The following NAA35 variants were observed in gnomAD, a reference collection of about 807,000 sequenced individuals.
NAA35 encodes the protein N-alpha-acetyltransferase 35, NatC auxiliary subunit.
In NAA35, 18 loss-of-function variants were observed where a neutral mutation model predicts 101.7. The observed-to-expected ratio is 0.18, with a 90% CI of 0.12 to 0.26. NAA35 has a LOEUF of 0.26. Ranked by LOEUF, NAA35 falls within the 10% of genes least tolerant of loss-of-function variation. The pLI, the probability that NAA35 is intolerant of heterozygous loss-of-function variation, is 1.00. For missense variants in NAA35, 601 were observed against 886.8 expected, an observed-to-expected ratio of 0.68 and a Z score of 4.09; for synonymous variants, 267 against 273.1, an observed-to-expected ratio of 0.98 and a Z score of 0.22.
At chr9:85,956,797 T>G (rs1251974890) in intron 3 of NAA35, among the ~76,000 whole-genome samples, 2 of 152,224 alleles carry the variant, frequency 1.3e-5, no homozygotes, top group Non-Finnish European at 2.9e-5. Flanking sequence ...TACCTGAGAC[T>G]GGGTAGTTTA....
In NAA35 at chr9:85,976,696, T is replaced by C. The variant is rs2118048600; in HGVS notation, c.639T>C (p.Ser213=). The C allele has an allele frequency of 6.3e-7, 1 of 1,589,640 alleles. No homozygotes were observed. The highest frequency in any genetic ancestry group is 2.3e-5 in the East Asian group (1 of 43,932). Residue 213 remains serine (S), a synonymous_variant, in exon 9 of 23, where the codon AGT becomes AGC. Coordinates refer to ENST00000361671, the MANE Select transcript of NAA35 (RefSeq NM_024635.4). Reference sequence around the variant, plus strand: ...TTTTAAAATTTTAGAGTACTCGAAGTCGACAAGGAGAAGAAAGAGATCCAG... The same window carrying C: ...TTTTAAAATTTTAGAGTACTCGAAGCCGACAAGGAGAAGAAAGAGATCCAG... ...DMQRRVKSTR[S]RQGEERDPEV...
At chr9:85,967,846 A>T (rs967700344) in intron 6 of NAA35, among the ~76,000 whole-genome samples, 14 of 151,686 alleles carry the variant, frequency 9.2e-5, no homozygotes, top group African/African-American at 3.4e-4. Flanking sequence ...TTTAAATTGG[A>T]TATTTCTGGA....
chr9:85,955,125 C>T (rs1012457138), intron 2 of NAA35, among the ~76,000 whole-genome samples: 9 of 151,010 alleles, frequency 6.0e-5, no homozygotes, highest in Non-Finnish European at 8.8e-5. Context: ...CTGTGTTGGC[C>T]GTGCTGGTCT....
At chr9:85,941,976 G>T in intron 1 of NAA35, 179 bp from the exon 2 acceptor site, 4 of 1,240,966 alleles carry the variant, frequency 3.2e-6, no homozygotes, top group Non-Finnish European at 3.1e-6. Flanking sequence ...AGTGTTAATT[G>T]ACGTGCGATT....
intron 6 of NAA35, among the ~76,000 whole-genome samples, chr9:85,965,677 A>T (rs909837889): frequency 5.9e-5 from 9 of 152,140 alleles, no homozygotes; most frequent in African/African-American, 1.7e-4. Context: ...TTAAAAAAAA[A>T]TTGGAAAAAA....
At chr9:85,951,607 G>A (rs1829022091) in intron 2 of NAA35, among the ~76,000 whole-genome samples, 1 of 152,116 alleles carries the variant, frequency 6.6e-6, no homozygotes, top group South Asian at 2.1e-4. Flanking sequence ...CTGCCATTTG[G>A]AAAATATTGT....
At chr9:85,981,433 C>T (rs1830434509) in intron 11 of NAA35, among the ~76,000 whole-genome samples, 1 of 152,058 alleles carries the variant, frequency 6.6e-6, no homozygotes, top group Non-Finnish European at 1.5e-5. Flanking sequence ...TTCTTTTTGC[C>T]ATGTCTGACT....
chr9:85,976,968 T>TA (rs1351731410), intron 9 of NAA35, among the ~76,000 whole-genome samples: 17 of 152,062 alleles, frequency 1.1e-4, no homozygotes, highest in Admixed American at 1.1e-3. Flanking sequence ...GGAAGAAAAA[T>TA]ACGATCTTTC....
At chr9:85,992,158 A>G (rs1351761427) in intron 11 of NAA35, among the ~76,000 whole-genome samples, 2 of 143,696 alleles carry the variant, frequency 1.4e-5, no homozygotes. Context: ...TGGGCAACAG[A>G]GCAAGACTCC....
intron 19 of NAA35, among the ~76,000 whole-genome samples, chr9:86,017,861 G>A (rs950494883): frequency 9.2e-5 from 14 of 152,198 alleles, no homozygotes; most frequent in Non-Finnish European, 1.6e-4. Context: ...AGTAAGAAAA[G>A]GAAGAGAGTA....
intron 4 of NAA35, 146 bp downstream of exon 4, chr9:85,958,732 C>T: frequency 2.2e-6 from 1 of 457,104 alleles, no homozygotes. Flanking sequence ...TAGTTATAAC[C>T]TTTGTATGTT....
rs73476911 is a variant in NAA35, at chr9:85,998,464, T to C, written c.1056+1887T>C. Among the ~76,000 whole-genome samples, 1,032 of 152,322 alleles carry C rather than the reference T, an allele frequency of 6.8e-3. 12 individuals are homozygous for C. The highest frequency in any genetic ancestry group is 0.024 in the African/African-American group (998 of 41,566). On this transcript the variant is annotated intron_variant, in intron 12 of 22. Transcript: ENST00000361671. ...AACAATACTAAGATGAATATATTTA[T>C]AGGTAACTCTTTTTATTGTATGCTT... is the stretch of plus-strand genomic sequence containing the variant.
At chr9:85,946,594 A>G (rs1368558489) in intron 2 of NAA35, among the ~76,000 whole-genome samples, 1 of 151,914 alleles carries the variant, frequency 6.6e-6, no homozygotes, top group African/African-American at 2.4e-5. Context: ...CCATTGCCCA[A>G]GGGCTGCATG....
chr9:85,982,532 T>C (rs1467208517), intron 11 of NAA35, among the ~76,000 whole-genome samples: 1 of 152,212 alleles, frequency 6.6e-6, no homozygotes, highest in Admixed American at 6.6e-5. Context: ...CTCATAGTTA[T>C]CTGTGAATTG....
chr9:86,023,976 G>C lies in NAA35; in HGVS notation c.*2016G>C, dbSNP rs1328509477. On this transcript the variant is annotated 3_prime_UTR_variant, in exon 23 of 23. Transcript: ENST00000361671. ...TGGGATTATAGGCAAATGCCTGCTTGGCTAGTTTTTGTTTTTAAACAGCAG... is the reference window on the plus strand; with the variant it reads ...TGGGATTATAGGCAAATGCCTGCTTCGCTAGTTTTTGTTTTTAAACAGCAG... Among the ~76,000 whole-genome samples, 1 of 152,130 alleles carries C rather than the reference G, an allele frequency of 6.6e-6. No homozygotes were observed. Among genetic ancestry groups the C allele is most frequent in the Non-Finnish European group, 1.5e-5 (1 of 68,020 alleles).
chr9:85,971,628 A>T (rs1830003700), intron 6 of NAA35, among the ~76,000 whole-genome samples: 1 of 152,176 alleles, frequency 6.6e-6, no homozygotes, highest in Non-Finnish European at 1.5e-5. Context: ...TGGATGATCA[A>T]AGAAATTACA....
Position 85,989,662 on chromosome 9 carries a change from C to G in NAA35, c.878-6737C>G, listed in dbSNP as rs10118579. 4.0e-3 allele frequency among the ~76,000 whole-genome samples: 604 copies of G among 152,230 alleles called. 5 individuals carry two copies. The highest frequency in any genetic ancestry group is 0.014 in the African/African-American group (571 of 41,524). ...GACTGAAATCAGGAATGAAATTCAGCCTACTGAGACATAAATGGAAAAGCT... is the reference window on the plus strand; with the variant it reads ...GACTGAAATCAGGAATGAAATTCAGGCTACTGAGACATAAATGGAAAAGCT... On this transcript the variant is annotated intron_variant, in intron 11 of 22. Transcript: ENST00000361671.
rs368528612 is a variant in NAA35, at chr9:85,973,186, G to A, written c.517-1781G>A. Among the ~76,000 whole-genome samples, 258 of 152,326 alleles carry A rather than the reference G, an allele frequency of 1.7e-3. 7 individuals are homozygous for A. In the South Asian group the frequency reaches 0.052, roughly 31 times the overall value. On this transcript the variant is annotated intron_variant, in intron 6 of 22. Transcript: ENST00000361671. ...CAAGAAAGACCTGTCAGACTGCAGT[G>A]CAGTGAATGTGAAGTGGTAGGAAAT...
At chr9:85,980,388 T>G (rs945072227) in intron 11 of NAA35, among the ~76,000 whole-genome samples, 1 of 152,210 alleles carries the variant, frequency 6.6e-6, no homozygotes, top group African/African-American at 2.4e-5. Flanking sequence ...CTTGTACTCA[T>G]GCCTGTCTTT....
Sources: gnomAD v4.1 joint callset for allele counts (sites outside exome capture counted in the v4.1 genomes callset) on GRCh38, gnomAD v4.1.1 for gene constraint, MANE v1.5 for transcripts, NCBI Gene and HGNC (gene_info 2026-07-23, HGNC 2026-07-21) for gene names.